Variants in RASSF5 observed in about 807,000 individuals in gnomAD.
RASSF5 encodes ras association domain-containing protein 5.
A neutral mutation model predicts 40.5 loss-of-function variants in RASSF5; 25 were observed. The ratio of observed to expected loss-of-function variants is 0.62; its 90% CI spans 0.45 to 0.86. The LOEUF is 0.86. RASSF5 is among the 40% of genes least tolerant of loss of function. RASSF5 has a pLI of 0.00. For missense variants in RASSF5, 521 were observed against 572.8 expected, an observed-to-expected ratio of 0.91 and a Z score of 0.92; for synonymous variants, 246 against 252.4, an observed-to-expected ratio of 0.97 and a Z score of 0.24.
chr1:206,524,850 CA>C (rs1385478790), intron 1 of RASSF5, among the ~76,000 whole-genome samples: 1 of 151,156 alleles, frequency 6.6e-6, no homozygotes, highest in Non-Finnish European at 1.5e-5. Flanking sequence ...TTATAATACA[CA>C]TGCACACATA....
chr1:206,526,541 G>C (rs1553397244), intron 1 of RASSF5, among the ~76,000 whole-genome samples: 1 of 152,156 alleles, frequency 6.6e-6, no homozygotes, highest in African/African-American at 2.4e-5. Context: ...GCCTCACTAG[G>C]AGTTTAGCCA....
chr1:206,570,777 C>T (rs1668426290), intron 2 of RASSF5, among the ~76,000 whole-genome samples: 1 of 152,140 alleles, frequency 6.6e-6, no homozygotes, highest in African/African-American at 2.4e-5. Context: ...ATGGACACAA[C>T]ACATTTTTTG....
intron 2 of RASSF5, among the ~76,000 whole-genome samples, chr1:206,550,413 C>G (rs1667806260): frequency 1.3e-5 from 2 of 152,198 alleles, no homozygotes; most frequent in South Asian, 4.1e-4. Flanking sequence ...GCCATTTAGT[C>G]TTCCTCATAA....
chr1:206,557,412 C>T lies in RASSF5; in HGVS notation c.579+19119C>T, dbSNP rs546000097. ...GCTGAAAGAAACGCAGGCGGCCCGC[C>T]GGCTCTGCCTGGTCCGCTACCCGAC... On this transcript the variant is annotated intron_variant, in intron 2 of 5. Coordinates refer to ENST00000579436, the MANE Select transcript of RASSF5 (RefSeq NM_182663.4). The T allele has an allele frequency of 7.8e-5, 108 of 1,377,916 alleles. No individual in the cohort carries two copies. The African/African-American group carries it at 1.5e-3, about 19-fold the overall frequency. 85.4% of individuals were successfully genotyped at this position (1,377,916 alleles called of 1,614,324 possible).
chr1:206,567,915 CG>C (rs1558515913), intron 2 of RASSF5, among the ~76,000 whole-genome samples: 2 of 152,090 alleles, frequency 1.3e-5, no homozygotes, highest in African/African-American at 2.4e-5. Context: ...AACTGAAGCA[CG>C]GGAAGGGGTC....
chr1:206,529,750 C>A, intron 1 of RASSF5: 1 of 493,428 alleles, frequency 2.0e-6, no homozygotes. Flanking sequence ...AATTAAAATA[C>A]TACAATTTTT....
chr1:206,528,214 A>G (rs1204779583), intron 1 of RASSF5, among the ~76,000 whole-genome samples: 2 of 152,116 alleles, frequency 1.3e-5, no homozygotes, highest in Non-Finnish European at 2.9e-5. Context: ...ATATATATAT[A>G]GCTACTATGT....
At chr1:206,510,868 T>A (rs1666597443) in intron 1 of RASSF5, among the ~76,000 whole-genome samples, 1 of 152,134 alleles carries the variant, frequency 6.6e-6, no homozygotes, top group Non-Finnish European at 1.5e-5. Flanking sequence ...CTATTAAATA[T>A]CCCAGCCCTT....
chr1:206,582,697 T>C (rs1352954107), intron 2 of RASSF5, among the ~76,000 whole-genome samples: 2 of 152,238 alleles, frequency 1.3e-5, no homozygotes, highest in African/African-American at 2.4e-5. Context: ...TGAAAAGCAC[T>C]GTGGCAAGTG....
intron 2 of RASSF5, among the ~76,000 whole-genome samples, chr1:206,561,351 C>G (rs1319983666): frequency 6.6e-6 from 1 of 152,238 alleles, no homozygotes; most frequent in Admixed American, 6.5e-5. Flanking sequence ...CTTGTCCTCT[C>G]AGAACCTTCT....
At chr1:206,533,205 T>G (rs1045622869) in intron 1 of RASSF5, among the ~76,000 whole-genome samples, 4 of 152,154 alleles carry the variant, frequency 2.6e-5, no homozygotes, top group South Asian at 2.1e-4. Flanking sequence ...ATGTTTGAAG[T>G]GGTGACTTGG....
chr1:206,529,419 G>T (rs1667180167), intron 1 of RASSF5: 2 of 801,528 alleles, frequency 2.5e-6, no homozygotes, highest in Non-Finnish European at 4.3e-6. Context: ...CTTCTTGCCT[G>T]CCCTGTGTCA....
intron 1 of RASSF5, among the ~76,000 whole-genome samples, chr1:206,508,931 TCTC>T (rs764715720): frequency 2.0e-5 from 3 of 152,134 alleles, no homozygotes; most frequent in Non-Finnish European, 4.4e-5. Context: ...TTATTATTTT[TCTC>T]CTCCTACAGT....
intron 1 of RASSF5, among the ~76,000 whole-genome samples, chr1:206,528,690 T>G (rs1189462847): frequency 6.6e-6 from 1 of 152,052 alleles, no homozygotes; most frequent in Non-Finnish European, 1.5e-5. Flanking sequence ...CTTTCTGTAT[T>G]TCCTGCTCAA....
chr1:206,572,050 GAGGA>G (rs1668470872), intron 2 of RASSF5, among the ~76,000 whole-genome samples: 1 of 152,198 alleles, frequency 6.6e-6, no homozygotes, highest in Non-Finnish European at 1.5e-5. Flanking sequence ...TTCAGAAGCA[GAGGA>G]CAGAATTCTC....
chr1:206,561,990 G>A (rs1350432809), intron 2 of RASSF5, among the ~76,000 whole-genome samples: 7 of 152,054 alleles, frequency 4.6e-5, no homozygotes, highest in Non-Finnish European at 7.4e-5. Flanking sequence ...TTATACTTAA[G>A]TACATAGAAA....
At chr1:206,585,144 T>C in intron 4 of RASSF5, 36 bp from the exon 5 acceptor site, 1 of 1,542,646 alleles carries the variant, frequency 6.5e-7, no homozygotes. Flanking sequence ...CCTTCTTTTC[T>C]GGGAAGAGCT....
chr1:206,561,920 G>A (rs1056629195), intron 2 of RASSF5, among the ~76,000 whole-genome samples: 1 of 151,190 alleles, frequency 6.6e-6, no homozygotes, highest in African/African-American at 2.4e-5. Context: ...CCCCTACCTC[G>A]GCCTCCCAAG....
Position 206,528,866 on chromosome 1 carries a change from C to T in RASSF5, c.458-9306C>T, listed in dbSNP as rs118059828. On this transcript the variant is annotated intron_variant, in intron 1 of 5. Coordinates refer to ENST00000579436, the MANE Select transcript of RASSF5 (RefSeq NM_182663.4). ...CAGCCTGGGCAACATGATGAAACCT[C>T]GTCTCTACAAAAAATTAAAAAATTA... The T allele has an allele frequency of 1.9e-3, 924 of 476,968 alleles. 8 individuals are homozygous for T. In the East Asian group the frequency reaches 0.024, roughly 12 times the overall value. 29.5% of individuals were successfully genotyped at this position (476,968 alleles called of 1,614,324 possible).
Sources: gnomAD v4.1 joint callset for allele counts (sites outside exome capture counted in the v4.1 genomes callset) on GRCh38, gnomAD v4.1.1 for gene constraint, MANE v1.5 for transcripts, NCBI Gene and HGNC (gene_info 2026-07-23, HGNC 2026-07-21) for gene names.